Variants in PPEF1 observed in about 807,000 individuals in gnomAD.
PPEF1 encodes serine/threonine-protein phosphatase with EF-hands 1.
Under a neutral mutation model 53.3 loss-of-function variants are expected in PPEF1, and 12 were observed. The observed-to-expected ratio is 0.23, with a 90% CI of 0.14 to 0.36. The LOEUF (loss-of-function observed/expected upper bound fraction) is 0.36, where lower values mean the gene tolerates loss of function less well. Among genes scored for constraint, PPEF1 ranks in the 10% least tolerant of loss-of-function variants. The probability of loss-of-function intolerance (pLI) is 1.00; values close to 1 mark genes in which losing one functional copy is unlikely to be tolerated. For synonymous variants in PPEF1, 165 were observed against 176.7 expected (o/e 0.93, Z 0.52); for missense variants, 334 against 490.4 (o/e 0.68, Z 3.01).
chrX:18,768,559 A>G (rs759425531), intron 6 of PPEF1, among the ~76,000 whole-genome samples: 26 of 112,457 alleles, frequency 2.3e-4, no homozygotes, highest in Non-Finnish European at 3.9e-4. Flanking sequence ...AACTCACCAT[A>G]TGCAAAAGTG....
intron 4 of PPEF1, among the ~76,000 whole-genome samples, chrX:18,696,319 A>ATTTT (rs34503947): frequency 2.1e-5 from 2 of 95,745 alleles, no homozygotes. Context: ...CACCCAGCTA[A>ATTTT]TTTTTTTTTT....
At chrX:18,751,527 C>A (rs1332540814) in intron 4 of PPEF1, among the ~76,000 whole-genome samples, 1 of 112,002 alleles carries the variant, frequency 8.9e-6, no homozygotes, top group African/African-American at 3.2e-5. Context: ...TGCTTGTAAT[C>A]CCAACATTTT....
chrX:18,744,512 C>T (rs748681262), intron 3 of PPEF1, among the ~76,000 whole-genome samples: 2 of 111,813 alleles, frequency 1.8e-5, no homozygotes, highest in South Asian at 3.7e-4. Flanking sequence ...GGCAGAAAGC[C>T]GAAGCTGCCA....
chrX:18,707,564 G>A, upstream of PPEF1: 3 of 386,550 alleles, frequency 7.8e-6, no homozygotes, highest in East Asian at 4.1e-5. Context: ...CAGCGATTCA[G>A]AAGAAGCGTA....
chrX:18,812,841 T>A (rs2046835583), intron 12 of PPEF1, among the ~76,000 whole-genome samples: 1 of 110,510 alleles, frequency 9.0e-6, no homozygotes, highest in South Asian at 3.9e-4. Flanking sequence ...TGATCATAGC[T>A]CACTGCACCC....
chrX:18,715,090 G>A (rs1475625276), intron 1 of PPEF1, among the ~76,000 whole-genome samples: 1 of 111,677 alleles, frequency 9.0e-6, no homozygotes, highest in African/African-American at 3.3e-5. Context: ...AAGTAGCATC[G>A]GGCCAGGCGC....
intron 6 of PPEF1, among the ~76,000 whole-genome samples, chrX:18,770,687 G>T (rs1024907542): frequency 8.9e-6 from 1 of 111,925 alleles, no homozygotes; most frequent in Non-Finnish European, 1.9e-5. Context: ...CATAGTAGAG[G>T]TGAAATAAGA....
At chrX:18,723,309 A>G (rs1454868307) in intron 1 of PPEF1, among the ~76,000 whole-genome samples, 2 of 111,943 alleles carry the variant, frequency 1.8e-5, no homozygotes, top group Non-Finnish European at 3.8e-5. Flanking sequence ...TTCTAATGAA[A>G]TATTATGTAT....
rs762756775 is a variant in PPEF1 at position 18,676,421 on chromosome X, C to T, written c.-587+291C>T. 6.1e-3 allele frequency among the ~76,000 whole-genome samples: 655 copies of T among 107,812 alleles called. 3 individuals carry two copies. Among genetic ancestry groups the T allele is most frequent in the Non-Finnish European group, 9.2e-3 (477 of 51,844 alleles). The allele number at this position is 107,812 out of a possible 115,157, so 93.6% of individuals were successfully genotyped here. A position where few individuals can be genotyped will look rare whatever the true frequency, so the allele number is the denominator to read the frequency against. ...GCTAGTGGCGTGGGTTTTTCTAGTA[C>T]CCGTTTCCCGATGTCCTCAGTTAGC... On this transcript the variant is annotated intron_variant, in intron 1 of 20. Transcript: ENST00000689646.
At chrX:18,749,771 G>T in intron 3 of PPEF1, 21 bp from the exon 4 acceptor site, 2 of 387,391 alleles carry the variant, frequency 5.2e-6, no homozygotes, top group Non-Finnish European at 6.7e-6. Context: ...CCACCCCCCC[G>T]TTCTGTCCTT....
At chrX:18,728,490 C>T in intron 1 of PPEF1, among the ~76,000 whole-genome samples, 1 of 111,240 alleles carries the variant, frequency 9.0e-6, no homozygotes. Context: ...TCAGTTACCT[C>T]CCACCAGGTC....
chrX:18,688,023 A>C (rs759335903), intron 3 of PPEF1, among the ~76,000 whole-genome samples: 3 of 112,029 alleles, frequency 2.7e-5, no homozygotes, highest in African/African-American at 9.7e-5. Flanking sequence ...ACTGAGGTTT[A>C]GAGGAGTTAT....
intron 1 of PPEF1, among the ~76,000 whole-genome samples, chrX:18,725,299 AG>A (rs1276708989): frequency 2.7e-5 from 3 of 111,542 alleles, no homozygotes; most frequent in Non-Finnish European, 5.7e-5. Flanking sequence ...CAAAGGGAAA[AG>A]GGTGGAATTA....
At chrX:18,744,811 T>A (rs2045286798) in intron 3 of PPEF1, among the ~76,000 whole-genome samples, 1 of 108,655 alleles carries the variant, frequency 9.2e-6, no homozygotes, top group Admixed American at 1.0e-4. Context: ...GTTACATGTT[T>A]ACCATGTGCC....
intron 10 of PPEF1, among the ~76,000 whole-genome samples, chrX:18,794,449 T>G (rs2046389124): frequency 8.8e-6 from 1 of 113,080 alleles, no homozygotes; most frequent in Non-Finnish European, 1.9e-5. Context: ...CAAACCACTG[T>G]GCCATCGCAC....
chrX:18,772,915 C>G (rs886291392), intron 6 of PPEF1, among the ~76,000 whole-genome samples: 3 of 113,044 alleles, frequency 2.7e-5, no homozygotes, highest in Non-Finnish European at 5.6e-5. Context: ...ACAAGGCTGC[C>G]TGATTCTTCT....
At chrX:18,693,814 C>T (rs189488434) in intron 4 of PPEF1, among the ~76,000 whole-genome samples, 21 of 111,969 alleles carry the variant, frequency 1.9e-4, no homozygotes, top group African/African-American at 5.8e-4. Context: ...GTGATCCACC[C>T]GCTTCGGCCT....
chrX:18,799,619 G>A (rs1188063645), intron 10 of PPEF1, among the ~76,000 whole-genome samples: 4 of 111,563 alleles, frequency 3.6e-5, no homozygotes, highest in Non-Finnish European at 7.5e-5. Flanking sequence ...ACATGCGCAA[G>A]GTCCTTCTTG....
chrX:18,746,222 G>A (rs1208099651), intron 3 of PPEF1, among the ~76,000 whole-genome samples: 1 of 112,015 alleles, frequency 8.9e-6, no homozygotes, highest in Non-Finnish European at 1.9e-5. Context: ...TTAAATTATT[G>A]TTATTAGTTA....
Sources: gnomAD v4.1 joint callset for allele counts (sites outside exome capture counted in the v4.1 genomes callset) on GRCh38, gnomAD v4.1.1 for gene constraint, MANE v1.5 for transcripts, NCBI Gene and HGNC (gene_info 2026-07-23, HGNC 2026-07-21) for gene names.